PTPRE: variants seen among roughly 807,000 people sequenced by gnomAD.
PTPRE encodes the protein protein tyrosine phosphatase receptor type E, also known as receptor-type tyrosine-protein phosphatase epsilon.
PTPRE carries 51 observed loss-of-function variants against 102.0 expected under a neutral mutation model. That is an observed-to-expected ratio of 0.50 (90% CI 0.40 to 0.63). The LOEUF (loss-of-function observed/expected upper bound fraction) is 0.63. Among genes scored for constraint, PTPRE ranks in the 30% least tolerant of loss-of-function variants. PTPRE has a pLI of 0.00. For missense variants in PTPRE, 752 were observed against 915.1 expected, an observed-to-expected ratio of 0.82 and a Z score of 2.30; for synonymous variants, 345 against 348.2, an observed-to-expected ratio of 0.99 and a Z score of 0.10.
intron 2 of PTPRE, among the ~76,000 whole-genome samples, chr10:128,005,731 A>G (rs1854469571): frequency 6.6e-6 from 1 of 152,214 alleles, no homozygotes; most frequent in Non-Finnish European, 1.5e-5. Context: ...CAGGCCGGCC[A>G]TAAGCCAGCA....
At chr10:127,960,763 C>T (rs548448335) in intron 1 of PTPRE, among the ~76,000 whole-genome samples, 1 of 152,298 alleles carries the variant, frequency 6.6e-6, no homozygotes, top group East Asian at 1.9e-4. Flanking sequence ...GTGGCTCACG[C>T]CTGTAATCCC....
chr10:127,970,293 C>G (rs1850626676), intron 1 of PTPRE, among the ~76,000 whole-genome samples: 1 of 152,174 alleles, frequency 6.6e-6, no homozygotes, highest in African/African-American at 2.4e-5. Context: ...ATCTCAGAAG[C>G]TAGCCAATCC....
chr10:127,916,311 C>A lies in PTPRE; in HGVS notation c.-31+9002C>A, dbSNP rs112094319. On this transcript the variant is annotated intron_variant, in intron 1 of 20. Coordinates refer to ENST00000254667, the MANE Select transcript of PTPRE (RefSeq NM_006504.6). The stretch of plus-strand genomic sequence containing the variant: ...GATAGTGAGTGAGTTCTCATGAGAT[C>A]TGATGGTTTTATAAGGGGCTCTTCC... 8.3e-3 allele frequency among the ~76,000 whole-genome samples: 1,268 copies of A among 152,256 alleles called. 5 individuals are homozygous for A. Among genetic ancestry groups the A allele is most frequent in the Admixed American group, 0.015 (227 of 15,300 alleles).
intron 1 of PTPRE, among the ~76,000 whole-genome samples, chr10:127,929,128 A>G (rs1847233589): frequency 6.6e-6 from 1 of 152,236 alleles, no homozygotes; most frequent in Non-Finnish European, 1.5e-5. Context: ...TCAAGCTACA[A>G]TATGGAACCA....
At chr10:128,039,661 A>G (rs1847505279) in intron 2 of PTPRE, among the ~76,000 whole-genome samples, 1 of 152,152 alleles carries the variant, frequency 6.6e-6, no homozygotes, top group Non-Finnish European at 1.5e-5. Flanking sequence ...ACATGTGAGC[A>G]GCCGGGGAAT....
chr10:127,992,124 G>T (rs182218318), intron 2 of PTPRE, among the ~76,000 whole-genome samples: 1 of 152,160 alleles, frequency 6.6e-6, no homozygotes, highest in East Asian at 1.9e-4. Context: ...TAGCAAGGAG[G>T]TGGCAGGAGG....
At chr10:128,071,620 C>G (rs191520654) in intron 15 of PTPRE, 1 of 155,182 alleles carries the variant, frequency 6.4e-6, no homozygotes, top group African/African-American at 2.4e-5. Flanking sequence ...GGAGATGCCC[C>G]GCTTGGGAGG....
chr10:127,911,083 G>GA (rs140295250), intron 1 of PTPRE, among the ~76,000 whole-genome samples: 1,568 of 150,288 alleles, frequency 0.01, 33 homozygotes, highest in African/African-American at 0.033. Context: ...CCCTGTCATG[G>GA]AAAAAAAAAG....
intron 8 of PTPRE, 144 bp from the exon 9 acceptor site, chr10:128,061,535 G>A (rs372454311): frequency 3.1e-6 from 3 of 980,004 alleles, no homozygotes; most frequent in Admixed American, 3.6e-5. Context: ...AATTGCTGGT[G>A]AGTTTTCTTT....
At chr10:127,985,692 C>A (rs1852025864) in intron 2 of PTPRE, among the ~76,000 whole-genome samples, 1 of 152,210 alleles carries the variant, frequency 6.6e-6, no homozygotes. Flanking sequence ...TTAAGGAAGG[C>A]ATTTAAGTGG....
At chr10:127,910,888 G>A (rs1233312623) in intron 1 of PTPRE, among the ~76,000 whole-genome samples, 4 of 152,096 alleles carry the variant, frequency 2.6e-5, no homozygotes, top group African/African-American at 7.2e-5. Context: ...ATTCCAGACC[G>A]GCATAGGCAA....
chr10:127,983,791 T>G (rs1851838036), intron 2 of PTPRE, among the ~76,000 whole-genome samples: 1 of 152,222 alleles, frequency 6.6e-6, no homozygotes, highest in South Asian at 2.1e-4. Flanking sequence ...CAAAATTTCC[T>G]ATTCCTCCCA....
chr10:127,909,049 C>T (rs752648297), intron 1 of PTPRE, among the ~76,000 whole-genome samples: 7 of 152,224 alleles, frequency 4.6e-5, no homozygotes, highest in Non-Finnish European at 8.8e-5. Context: ...GAAAGTCACA[C>T]AGAGGCCACC....
At chr10:127,991,056 G>A (rs562358220) in intron 2 of PTPRE, among the ~76,000 whole-genome samples, 1 of 152,178 alleles carries the variant, frequency 6.6e-6, no homozygotes, top group Non-Finnish European at 1.5e-5. Context: ...TGATTCACTG[G>A]GAAGGTGAAC....
chr10:128,041,760 C>A (rs1449611580), intron 3 of PTPRE, among the ~76,000 whole-genome samples: 2 of 151,070 alleles, frequency 1.3e-5, no homozygotes, highest in East Asian at 1.9e-4. Context: ...GACATGCCTG[C>A]TGAAGGGTTC....
intron 1 of PTPRE, among the ~76,000 whole-genome samples, chr10:127,910,442 C>T (rs1023535633): frequency 2.0e-5 from 3 of 152,204 alleles, no homozygotes; most frequent in East Asian, 3.9e-4. Flanking sequence ...TTCTGCCTGT[C>T]CTAAAGCACT....
At chr10:127,992,908 C>T (rs549370415) in intron 2 of PTPRE, among the ~76,000 whole-genome samples, 22 of 152,296 alleles carry the variant, frequency 1.4e-4, no homozygotes, top group Admixed American at 3.9e-4. Flanking sequence ...GAACAAGTAG[C>T]CCCTTTCTGA....
chr10:128,031,713 C>T (rs1846772524), intron 2 of PTPRE, among the ~76,000 whole-genome samples: 1 of 152,206 alleles, frequency 6.6e-6, no homozygotes, highest in African/African-American at 2.4e-5. Flanking sequence ...CATTCCTTAC[C>T]TGGCTCAGGT....
chr10:128,035,669 C>A (rs1337904658), intron 2 of PTPRE, among the ~76,000 whole-genome samples: 2 of 152,240 alleles, frequency 1.3e-5, no homozygotes, highest in Non-Finnish European at 2.9e-5. Context: ...AGAGAAAACA[C>A]TACCCTCTTG....
Sources: gnomAD v4.1 joint callset for allele counts (sites outside exome capture counted in the v4.1 genomes callset) on GRCh38, gnomAD v4.1.1 for gene constraint, MANE v1.5 for transcripts, NCBI Gene and HGNC (gene_info 2026-07-23, HGNC 2026-07-21) for gene names.